WDFY4: variants seen among roughly 807,000 people sequenced by gnomAD.
WDFY4 encodes the protein WDFY family member 4.
A neutral mutation model predicts 351.9 loss-of-function variants in WDFY4; 169 were observed. The ratio of observed to expected loss-of-function variants is 0.48; its 90% confidence interval spans 0.42 to 0.55. WDFY4 has a LOEUF of 0.55. WDFY4 is among the 20% of genes least tolerant of loss of function. The pLI, the probability that WDFY4 is intolerant of heterozygous loss-of-function variation, is 0.00. For synonymous variants in WDFY4, 1,622 were observed against 1,574.6 expected (o/e 1.03, Z -0.71); for missense variants, 3,803 against 3,935.6 (o/e 0.97, Z 0.90).
Position 48,885,068 on chromosome 10 carries a change from C to T in WDFY4, c.7168-5511C>T, listed in dbSNP as rs1042162000. ...GCAATATGCTGACACCAGATGAAAC[C>T]TTTTTTTTTTCTTAGCCTAGCTGGT... On this transcript the variant is annotated intron_variant, in intron 43 of 61. Transcript: ENST00000325239. Among the ~76,000 whole-genome samples the T allele has an allele frequency of 3.3e-5, 5 of 149,824 alleles. No individual in the cohort carries two copies. The South Asian group carries it at 1.1e-3, about 32-fold the overall frequency.
At chr10:48,938,983 T>C (rs533030804) in intron 47 of WDFY4, among the ~76,000 whole-genome samples, 5 of 152,056 alleles carry the variant, frequency 3.3e-5, no homozygotes, top group Non-Finnish European at 7.4e-5. Context: ...TTCATTCGAG[T>C]TCTTCTGTTC....
intron 12 of WDFY4, among the ~76,000 whole-genome samples, chr10:48,750,210 G>A (rs568615266): frequency 2.2e-4 from 33 of 152,294 alleles, no homozygotes; most frequent in Non-Finnish European, 4.4e-4. Flanking sequence ...AGGAAGGGTG[G>A]GGGACAGTGT....
intron 11 of WDFY4, among the ~76,000 whole-genome samples, chr10:48,737,374 T>C (rs991278673): frequency 6.6e-6 from 1 of 152,194 alleles, no homozygotes; most frequent in Non-Finnish European, 1.5e-5. Context: ...AAAAGTGAAG[T>C]TGCTCTGATT....
At chr10:48,768,783 G>A (rs950076020) in intron 13 of WDFY4, among the ~76,000 whole-genome samples, 2 of 151,718 alleles carry the variant, frequency 1.3e-5, no homozygotes, top group African/African-American at 2.4e-5. Flanking sequence ...AATTTAACAT[G>A]ATTGAAGTAT....
chr10:48,787,891 CT>C (rs2066493841), intron 20 of WDFY4, among the ~76,000 whole-genome samples: 5 of 66,794 alleles, frequency 7.5e-5, no homozygotes, highest in African/African-American at 2.0e-4. Context: ...TCTTCTTCTT[CT>C]CCTTCTTCTT....
rs141860858 is a variant in WDFY4, at chr10:48,913,832, C to T, written c.7586+11969C>T. On this transcript the variant is annotated intron_variant, in intron 47 of 61. Transcript: ENST00000325239. ...GCTCCACGGGCAGCCCGTTGCTGGT[C>T]AGCCGGTTGTTGCTGACGTTGAGGT... The T allele has an allele frequency of 6.2e-6, 10 of 1,614,066 alleles. No individual in the cohort carries two copies. The African/African-American group carries it at 1.3e-4, about 22-fold the overall frequency.
intron 44 of WDFY4, 25 bp from the exon 45 acceptor site, chr10:48,897,429 C>A (rs764885445): frequency 6.5e-7 from 1 of 1,547,322 alleles, no homozygotes; most frequent in African/African-American, 1.4e-5. Context: ...TGAACATGTG[C>A]CCTGCATGCC....
At chr10:48,828,385 G>A (rs12268803) in intron 36 of WDFY4, among the ~76,000 whole-genome samples, 15,929 of 152,184 alleles carry the variant, frequency 0.1, 944 homozygotes, top group South Asian at 0.16. Context: ...CAGGTTGCAC[G>A]CCCATGAAGC....
chr10:48,861,339 C>G (rs923607449), intron 39 of WDFY4, among the ~76,000 whole-genome samples: 10 of 152,112 alleles, frequency 6.6e-5, no homozygotes, highest in African/African-American at 2.4e-4. Flanking sequence ...CATTTACCTT[C>G]TGTTTAAAGA....
chr10:48,767,112 G>T (rs2065696751), intron 13 of WDFY4, among the ~76,000 whole-genome samples: 1 of 152,190 alleles, frequency 6.6e-6, no homozygotes, highest in African/African-American at 2.4e-5. Flanking sequence ...TCAAAATCAT[G>T]AGCCTTGGAG....
At chr10:48,774,697 C>G (rs1246107002) in intron 14 of WDFY4, 25 bp downstream of exon 14, 1 of 1,551,130 alleles carries the variant, frequency 6.4e-7, no homozygotes, top group African/African-American at 1.4e-5. Context: ...ATATTCAGTG[C>G]CGCCAAGCTG....
intron 1 of WDFY4, among the ~76,000 whole-genome samples, chr10:48,698,243 C>T (rs1004333548): frequency 6.6e-6 from 1 of 152,224 alleles, no homozygotes; most frequent in African/African-American, 2.4e-5. Flanking sequence ...CCAATTTTGC[C>T]TGCCCACGAT....
At chr10:48,861,721 T>A (rs1270913561) in intron 39 of WDFY4, among the ~76,000 whole-genome samples, 1 of 152,196 alleles carries the variant, frequency 6.6e-6, no homozygotes, top group Non-Finnish European at 1.5e-5. Context: ...TTCTGAAGCC[T>A]GTAGGTTTAT....
At chr10:48,729,748 C>G (rs867586220) in intron 8 of WDFY4, among the ~76,000 whole-genome samples, 159 bp downstream of exon 8, 1 of 152,144 alleles carries the variant, frequency 6.6e-6, no homozygotes, top group Non-Finnish European at 1.5e-5. Context: ...TCCCATGGGA[C>G]TTAGTGGAAA....
intron 1 of WDFY4, among the ~76,000 whole-genome samples, chr10:48,703,925 G>C (rs2063550977): frequency 6.6e-6 from 1 of 152,148 alleles, no homozygotes; most frequent in Non-Finnish European, 1.5e-5. Context: ...GTGACACCAA[G>C]AGACCTGGGG....
At chr10:48,920,316 T>A (rs1321658254) in intron 47 of WDFY4, among the ~76,000 whole-genome samples, 3 of 129,286 alleles carry the variant, frequency 2.3e-5, no homozygotes, top group Non-Finnish European at 4.6e-5. Context: ...AATTGAACAA[T>A]GAGAACACAT....
In WDFY4 at chr10:48,745,710, C is replaced by T. The variant is rs981915638; in HGVS notation, c.2459+2162C>T. On this transcript the variant is annotated intron_variant, in intron 12 of 61. Transcript: ENST00000325239. ...TCACTGCCTGGTACTTCCAGCCAGC[C>T]TCTTGAGCCAGGCGCCCCACGTAGG... 1.1e-5 allele frequency: 6 copies of T among 566,688 alleles called. No individual in the cohort carries two copies. The African/African-American group carries it at 1.1e-4, about 11-fold the overall frequency. The allele number at this position is 566,688 out of a possible 1,614,324, so 35.1% of individuals were successfully genotyped here.
intron 13 of WDFY4, among the ~76,000 whole-genome samples, chr10:48,770,694 A>T (rs1565178195): frequency 3.9e-5 from 6 of 152,228 alleles, no homozygotes; most frequent in Admixed American, 3.9e-4. Flanking sequence ...GTGGATTTCC[A>T]TGGGGAAGAG....
intron 1 of WDFY4, among the ~76,000 whole-genome samples, chr10:48,690,521 T>C (rs2063165168): frequency 6.6e-6 from 1 of 152,056 alleles, no homozygotes; most frequent in African/African-American, 2.4e-5. Context: ...CTTTATTAAG[T>C]GTTAGAACAG....
Sources: gnomAD v4.1 joint callset for allele counts (sites outside exome capture counted in the v4.1 genomes callset) on GRCh38, gnomAD v4.1.1 for gene constraint, MANE v1.5 for transcripts, NCBI Gene and HGNC (gene_info 2026-07-23, HGNC 2026-07-21) for gene names.